RBFOX1: variants seen among roughly 807,000 people sequenced by gnomAD.
The protein encoded by RBFOX1 is RNA binding protein fox-1 homolog 1.
A neutral mutation model predicts 57.7 loss-of-function variants in RBFOX1; 8 were observed. The ratio of observed to expected loss-of-function variants is 0.14; its 90% CI spans 0.08 to 0.25. RBFOX1 has a LOEUF of 0.25. RBFOX1 is among the 10% of genes least tolerant of loss of function. The pLI is 1.00. For missense variants in RBFOX1, 611 were observed against 548.5 expected, an observed-to-expected ratio of 1.11 and a Z score of -1.14; for synonymous variants, 326 against 222.4, an observed-to-expected ratio of 1.47 and a Z score of -4.15.
chr16:5,442,378 A>G (rs1052541141), intron 1 of RBFOX1, among the ~76,000 whole-genome samples: 15 of 152,210 alleles, frequency 9.9e-5, no homozygotes, highest in African/African-American at 3.6e-4. Context: ...GGCTCTGGGA[A>G]AGTTGAAGGA....
intron 4 of RBFOX1, among the ~76,000 whole-genome samples, chr16:5,917,350 A>C (rs1188904039): frequency 1.3e-5 from 2 of 152,252 alleles, no homozygotes; most frequent in African/African-American, 2.4e-5. Context: ...GCTGCTAAGC[A>C]CTTTATGTGC....
chr16:7,121,376 A>T (rs556032908), intron 4 of RBFOX1, among the ~76,000 whole-genome samples: 9 of 152,136 alleles, frequency 5.9e-5, no homozygotes, highest in Admixed American at 1.3e-4. Context: ...AAGGAACTCT[A>T]AAACCTCTTA....
chr16:6,310,206 A>C (rs921276521), intron 1 of RBFOX1, among the ~76,000 whole-genome samples: 5 of 152,240 alleles, frequency 3.3e-5, no homozygotes, highest in African/African-American at 1.2e-4. Flanking sequence ...TTTAAGCAGC[A>C]TAAGCCACAT....
intron 4 of RBFOX1, among the ~76,000 whole-genome samples, chr16:5,875,552 G>A (rs753142522): frequency 3.9e-5 from 6 of 152,182 alleles, no homozygotes; most frequent in Non-Finnish European, 7.3e-5. Context: ...TATTTGGTGC[G>A]TAAGTAGTCC....
intron 2 of RBFOX1, among the ~76,000 whole-genome samples, chr16:5,528,822 G>A (rs1013741580): frequency 6.6e-6 from 1 of 151,894 alleles, no homozygotes; most frequent in Non-Finnish European, 1.5e-5. Context: ...GCTAATTTTT[G>A]TATTTTTAGT....
At chr16:6,750,598 A>G (rs1433228078) in intron 3 of RBFOX1, among the ~76,000 whole-genome samples, 1 of 152,242 alleles carries the variant, frequency 6.6e-6, no homozygotes, top group Non-Finnish European at 1.5e-5. Context: ...GTTCATCACC[A>G]TCAGAGATAT....
At chr16:7,563,420 T>C (rs2090901735) in intron 5 of RBFOX1, among the ~76,000 whole-genome samples, 1 of 152,206 alleles carries the variant, frequency 6.6e-6, no homozygotes, top group African/African-American at 2.4e-5. Context: ...TGTTTCGAAG[T>C]CTATAAATGT....
chr16:5,434,317 C>CTTTTTTTTTTTTTT lies in RBFOX1; in HGVS notation c.220-32890_220-32877dup, dbSNP rs5815245. The stretch of plus-strand genomic sequence containing the variant: ...AGAGGGAGCCATCTCTGCTGAAGTC[C>CTTTTTTTTTTTTTT]TTTTTTTTTTTTTTTTTTTTTTGAG... On this transcript the variant is annotated intron_variant, in intron 1 of 2. Coordinates refer to the RBFOX1 transcript ENST00000585867. Among the ~76,000 whole-genome samples, 40 of 79,728 alleles carry CTTTTTTTTTTTTTT rather than the reference C, an allele frequency of 5.0e-4. 5 individuals are homozygous for CTTTTTTTTTTTTTT. The highest frequency in any genetic ancestry group is 1.9e-3 in the African/African-American group (37 of 19,702). 52.3% of individuals were successfully genotyped at this position (79,728 alleles called of 152,430 possible). A position where few individuals can be genotyped will look rare whatever the true frequency, so the allele number is the denominator to read the frequency against.
At chr16:6,888,868 C>T (rs1188722030) in intron 3 of RBFOX1, among the ~76,000 whole-genome samples, 1 of 151,978 alleles carries the variant, frequency 6.6e-6, no homozygotes, top group Admixed American at 6.6e-5. Context: ...CCTCTTTATC[C>T]CCTCCTCCCC....
intron 2 of RBFOX1, among the ~76,000 whole-genome samples, chr16:5,541,353 G>A (rs527459058): frequency 2.0e-5 from 3 of 152,190 alleles, no homozygotes; most frequent in South Asian, 4.2e-4. Context: ...CCATGACACT[G>A]CCTCAGGAGG....
At chr16:6,774,011 C>T (rs1393807231) in intron 3 of RBFOX1, 1 of 985,032 alleles carries the variant, frequency 1.0e-6, no homozygotes. Flanking sequence ...CCTCAGAGAC[C>T]AGGTAATCAC....
At chr16:6,982,144 T>C (rs2089077983) in intron 3 of RBFOX1, among the ~76,000 whole-genome samples, 1 of 152,168 alleles carries the variant, frequency 6.6e-6, no homozygotes, top group Non-Finnish European at 1.5e-5. Flanking sequence ...CGAAGAGTTA[T>C]CCATGTTTAT....
At chr16:5,448,376 T>C (rs917996453) in intron 1 of RBFOX1, among the ~76,000 whole-genome samples, 1 of 152,196 alleles carries the variant, frequency 6.6e-6, no homozygotes, top group Non-Finnish European at 1.5e-5. Flanking sequence ...GAATAAGGTA[T>C]GTTTGGGACA....
chr16:6,058,806 A>G (rs1197085146), intron 1 of RBFOX1, among the ~76,000 whole-genome samples: 1 of 150,116 alleles, frequency 6.7e-6, no homozygotes, highest in Non-Finnish European at 1.5e-5. Flanking sequence ...TTACCCATCC[A>G]TCCACCCACT....
At chr16:7,007,316 A>G (rs1326545470) in intron 3 of RBFOX1, among the ~76,000 whole-genome samples, 1 of 152,176 alleles carries the variant, frequency 6.6e-6, no homozygotes, top group African/African-American at 2.4e-5. Flanking sequence ...AATGCATCTC[A>G]TCCTTGAAAT....
intron 3 of RBFOX1, among the ~76,000 whole-genome samples, chr16:6,905,765 G>T (rs977283088): frequency 1.3e-5 from 2 of 152,188 alleles, no homozygotes; most frequent in African/African-American, 4.8e-5. Context: ...GATGGAAATG[G>T]TATTTTCAAG....
At chr16:6,494,292 C>T (rs1364367758) in intron 2 of RBFOX1, among the ~76,000 whole-genome samples, 1 of 152,144 alleles carries the variant, frequency 6.6e-6, no homozygotes, top group East Asian at 1.9e-4. Context: ...GTGTAGGTTT[C>T]TGTATCCACC....
chr16:6,960,371 G>GT (rs1449649710), intron 3 of RBFOX1, among the ~76,000 whole-genome samples: 3 of 152,102 alleles, frequency 2.0e-5, no homozygotes, highest in Non-Finnish European at 4.4e-5. Flanking sequence ...ATAAGCTCTG[G>GT]AAAACTTTCT....
chr16:6,951,032 A>G (rs968645594), intron 3 of RBFOX1, among the ~76,000 whole-genome samples: 2 of 151,968 alleles, frequency 1.3e-5, no homozygotes, highest in Non-Finnish European at 2.9e-5. Flanking sequence ...CTGCCTCTCG[A>G]GTAGGTGGGA....
Sources: gnomAD v4.1 joint callset for allele counts (sites outside exome capture counted in the v4.1 genomes callset) on GRCh38, gnomAD v4.1.1 for gene constraint, MANE v1.5 for transcripts, NCBI Gene and HGNC (gene_info 2026-07-23, HGNC 2026-07-21) for gene names.